TANC1: variants seen among roughly 807,000 people sequenced by gnomAD.
The protein encoded by TANC1 is tetratricopeptide repeat, ankyrin repeat and coiled-coil containing 1, also known as protein TANC1.
TANC1 carries 77 observed loss-of-function variants against 149.7 expected under a neutral mutation model. The observed-to-expected ratio is 0.51, with a 90% CI of 0.43 to 0.62. The LOEUF (loss-of-function observed/expected upper bound fraction) is 0.62. Ranked by LOEUF, TANC1 falls within the 20% of genes least tolerant of loss-of-function variation. The pLI is 0.00. For missense variants in TANC1, 1,985 were observed against 2,321.8 expected (o/e 0.85, Z 2.98); for synonymous variants, 854 against 925.0 (o/e 0.92, Z 1.39).
intron 3 of TANC1, among the ~76,000 whole-genome samples, chr2:159,087,422 T>C (rs1353855028): frequency 6.6e-6 from 1 of 152,078 alleles, no homozygotes; most frequent in Admixed American, 6.5e-5. Context: ...GGCCGTGCTT[T>C]TTTTCTCCCT....
intron 2 of TANC1, among the ~76,000 whole-genome samples, chr2:159,018,755 C>T (rs1394079847): frequency 6.6e-6 from 1 of 152,164 alleles, no homozygotes; most frequent in Non-Finnish European, 1.5e-5. Flanking sequence ...CCCTTTGTGT[C>T]TGATGGCTCT....
At chr2:159,058,136 C>T (rs935440575) in intron 2 of TANC1, among the ~76,000 whole-genome samples, 1 of 152,210 alleles carries the variant, frequency 6.6e-6, no homozygotes, top group African/African-American at 2.4e-5. Flanking sequence ...GCTGCCCTTT[C>T]TGAACCCTTC....
chr2:159,077,227 T>G (rs554962044), intron 3 of TANC1, among the ~76,000 whole-genome samples: 2 of 152,288 alleles, frequency 1.3e-5, no homozygotes, highest in South Asian at 4.1e-4. Flanking sequence ...TGGCTAACTT[T>G]TAAATTTTTT....
rs1347159945 is a variant in TANC1, at chr2:159,097,738, A to G, written c.163A>G (p.Ser55Gly). Residue 55 changes from serine to glycine, a missense_variant, in exon 4 of 27, where the codon AGC becomes GGC. Physicochemically the swap from Ser to Gly is moderately conservative, Grantham distance 56. Around this residue, in one of 3 missense-constraint regions of TANC1, gnomAD observed 557 missense variants for 612.9 expected, o/e 0.91. Transcript: ENST00000263635. Reference protein sequence around the residue: ...LPTAEDTYRVSLAKGVSMSLP... With the variant: ...LPTAEDTYRVGLAKGVSMSLP... ...CACAGCAGAGGACACCTATAGGGTG[A>G]GCTTGGCCAAAGGTGTCTCGATGTC... is the stretch of plus-strand genomic sequence containing the variant. 6.2e-7 allele frequency: 1 copy of G among 1,614,070 alleles called. No homozygotes were observed. The highest frequency in any genetic ancestry group is 8.5e-7 in the Non-Finnish European group (1 of 1,179,992).
Position 159,225,786 on chromosome 2 carries a change from G to C in TANC1, c.3903+7G>C, listed in dbSNP as rs1413662410. 7 of 1,607,354 alleles carry C rather than the reference G, an allele frequency of 4.4e-6. No homozygotes were observed. Among genetic ancestry groups the C allele is most frequent in the Non-Finnish European group, 5.1e-6 (6 of 1,174,232 alleles). Reference sequence around the variant, plus strand: ...AGGAAATGTGATGTACAAAGTAAGTGGTTCCGCCCTTTTCTTTGCCATTGA... The same window carrying C: ...AGGAAATGTGATGTACAAAGTAAGTCGTTCCGCCCTTTTCTTTGCCATTGA... On this transcript the variant is annotated splice_region_variant and intron_variant, in intron 24 of 26. Coordinates refer to ENST00000263635, the MANE Select transcript of TANC1 (RefSeq NM_033394.3).
chr2:159,037,979 A>G lies in TANC1; in HGVS notation c.-15-27917A>G, dbSNP rs530290647. 6.6e-5 allele frequency among the ~76,000 whole-genome samples: 10 copies of G among 152,250 alleles called. 1 individual carries two copies. The highest frequency in any genetic ancestry group is 3.4e-3 in the Middle Eastern group (1 of 294). On this transcript the variant is annotated intron_variant, in intron 2 of 26. Coordinates refer to ENST00000263635, the MANE Select transcript of TANC1 (RefSeq NM_033394.3). ...CATTTTCACAATATTGATTCTTCCT[A>G]TCCATGAGCATGGAATGTTCTTCCA... is the stretch of plus-strand genomic sequence containing the variant.
chr2:159,017,016 T>C (rs1437229745), intron 2 of TANC1, among the ~76,000 whole-genome samples: 2 of 151,194 alleles, frequency 1.3e-5, no homozygotes, highest in Non-Finnish European at 2.9e-5. Context: ...TAAAAAAATT[T>C]ATCTCCGCCC....
intron 2 of TANC1, among the ~76,000 whole-genome samples, chr2:159,032,703 C>T (rs1417789569): frequency 6.6e-6 from 1 of 152,016 alleles, no homozygotes; most frequent in African/African-American, 2.4e-5. Context: ...CATATTCTCT[C>T]CTGTTAGAAT....
chr2:159,066,037 C>G lies in TANC1; in HGVS notation c.61+66C>G. The G allele has an allele frequency of 3.1e-6, 4 of 1,283,538 alleles. No individual in the cohort carries two copies. In the East Asian group the frequency reaches 9.2e-5, roughly 30 times the overall value. The allele number at this position is 1,283,538 out of a possible 1,614,324, so 79.5% of individuals were successfully genotyped here. Reference sequence around the variant, plus strand: ...GCAGCAAGCTGCTCCTCACCCCAGGCCGGATGGATTTGTTGCTTTGGGAGT... The same window carrying G: ...GCAGCAAGCTGCTCCTCACCCCAGGGCGGATGGATTTGTTGCTTTGGGAGT... On this transcript the variant is annotated intron_variant, in intron 3 of 26. Transcript: ENST00000263635.
chr2:159,070,376 T>A (rs903867624), intron 3 of TANC1, among the ~76,000 whole-genome samples: 11 of 152,288 alleles, frequency 7.2e-5, no homozygotes, highest in African/African-American at 2.6e-4. Context: ...CCACCAGAGT[T>A]GTGCATTTGT....
intron 2 of TANC1, among the ~76,000 whole-genome samples, chr2:159,039,716 C>T (rs563380240): frequency 5.7e-4 from 86 of 152,174 alleles, no homozygotes; most frequent in Non-Finnish European, 8.7e-4. Flanking sequence ...GTCTGAGAGA[C>T]GGTTTGTTGT....
intron 19 of TANC1, among the ~76,000 whole-genome samples, chr2:159,206,537 C>T (rs1212881008): frequency 6.6e-6 from 1 of 152,216 alleles, no homozygotes; most frequent in Non-Finnish European, 1.5e-5. Context: ...GCCCCTTGAC[C>T]ACCTTCATCA....
rs1316452686 is a variant in TANC1, at chr2:159,103,419, A to G, written c.259+5585A>G. Among the ~76,000 whole-genome samples the G allele has an allele frequency of 1.3e-4, 13 of 96,744 alleles. 3 individuals are homozygous for G. The highest frequency in any genetic ancestry group is 3.7e-4 in the African/African-American group (13 of 34,962). 63.5% of individuals were successfully genotyped at this position (96,744 alleles called of 152,430 possible). ...AATTCACATCTTCTGGGAACAGCTT[A>G]AATGGATGGTGCTTTGTGCGGCCTA... is the stretch of plus-strand genomic sequence containing the variant. On this transcript the variant is annotated intron_variant, in intron 4 of 26. Transcript: ENST00000263635.
At chr2:159,197,099 A>T (rs1455376386) in intron 18 of TANC1, among the ~76,000 whole-genome samples, 1 of 151,960 alleles carries the variant, frequency 6.6e-6, no homozygotes, top group African/African-American at 2.4e-5. Context: ...GCTGTTTTAA[A>T]TTTTTTCCCC....
intron 4 of TANC1, 25 bp downstream of exon 4, chr2:159,097,859 C>T (rs766790681): frequency 6.2e-7 from 1 of 1,602,542 alleles, no homozygotes; most frequent in Non-Finnish European, 8.5e-7. Context: ...AAGGAGCTGC[C>T]TTGGTTATAT....
chr2:159,102,712 C>T (rs1359320758), intron 4 of TANC1, among the ~76,000 whole-genome samples: 10 of 27,104 alleles, frequency 3.7e-4, no homozygotes, highest in Admixed American at 1.3e-3. Context: ...TGGATATTTG[C>T]TTTTTTTTTT....
At chr2:159,126,357 G>A (rs1357868449) in intron 4 of TANC1, among the ~76,000 whole-genome samples, 1 of 152,120 alleles carries the variant, frequency 6.6e-6, no homozygotes, top group Admixed American at 6.5e-5. Flanking sequence ...TTAACCTTGA[G>A]CCTTACATTT....
At chr2:159,126,374 C>T (rs1236881059) in intron 4 of TANC1, among the ~76,000 whole-genome samples, 1 of 152,158 alleles carries the variant, frequency 6.6e-6, no homozygotes, top group East Asian at 1.9e-4. Context: ...ATTTCTGAGG[C>T]TTATTACAAT....
intron 4 of TANC1, among the ~76,000 whole-genome samples, chr2:159,122,860 C>T (rs1005589795): frequency 2.0e-5 from 3 of 150,602 alleles, no homozygotes; most frequent in Admixed American, 1.3e-4. Flanking sequence ...TACTTTGCAT[C>T]TTCACCAGCA....
Sources: gnomAD v4.1 joint callset for allele counts (sites outside exome capture counted in the v4.1 genomes callset) on GRCh38, gnomAD v4.1.1 for gene constraint, gnomAD v4.1.1 regional missense constraint, MANE v1.5 for transcripts, NCBI Gene and HGNC (gene_info 2026-07-23, HGNC 2026-07-21) for gene names.